Variants in CHIC2 observed in about 807,000 individuals in gnomAD.
The protein encoded by CHIC2 is cysteine-rich hydrophobic domain-containing protein 2.
CHIC2 carries 14 observed loss-of-function variants against 25.9 expected under a neutral mutation model. The observed-to-expected ratio is 0.54, with a 90% CI of 0.36 to 0.85. CHIC2 has a LOEUF of 0.85. Ranked by LOEUF, CHIC2 falls within the 40% of genes least tolerant of loss-of-function variation. CHIC2 has a pLI of 0.01. For missense variants in CHIC2, 146 were observed against 202.0 expected (o/e 0.72, Z 1.68); for synonymous variants, 70 against 72.0 (o/e 0.97, Z 0.14).
At chr4:54,059,564 TG>T (rs1255981516) in intron 1 of CHIC2, 1 of 147,568 alleles carries the variant, frequency 6.8e-6, no homozygotes. Context: ...CAAAAATCTC[TG>T]GAGAAAAAAA....
intron 3 of CHIC2, among the ~76,000 whole-genome samples, chr4:54,040,467 G>T (rs751732382): frequency 3.9e-5 from 6 of 151,940 alleles, no homozygotes; most frequent in Non-Finnish European, 8.8e-5. Context: ...TTGGGAGGCC[G>T]AAGCGGGCAG....
chr4:54,060,637 T>C (rs1486255365), intron 1 of CHIC2: 1 of 152,164 alleles, frequency 6.6e-6, no homozygotes, highest in Non-Finnish European at 1.5e-5. Flanking sequence ...ACACATCCTT[T>C]AGAGTTACCA....
At chr4:54,029,661 A>G (rs1716163995) in intron 3 of CHIC2, among the ~76,000 whole-genome samples, 1 of 152,146 alleles carries the variant, frequency 6.6e-6, no homozygotes, top group South Asian at 2.1e-4. Context: ...ATTTTTCTTT[A>G]TCTGATTCTT....
intron 3 of CHIC2, among the ~76,000 whole-genome samples, chr4:54,028,365 T>C (rs1182435232): frequency 6.6e-6 from 1 of 152,190 alleles, no homozygotes; most frequent in Non-Finnish European, 1.5e-5. Flanking sequence ...GCATGAAATT[T>C]TGAGCTGTAA....
intron 1 of CHIC2, among the ~76,000 whole-genome samples, chr4:54,055,163 G>A (rs1049104824): frequency 2.6e-5 from 4 of 152,074 alleles, no homozygotes; most frequent in African/African-American, 9.7e-5. Flanking sequence ...TAATTTAGAT[G>A]GATTCTTGCT....
chr4:54,086,667 T>G, the CHIC2 span, among the ~76,000 whole-genome samples: 1 of 152,138 alleles, frequency 6.6e-6, no homozygotes, highest in African/African-American at 2.4e-5. Context: ...CTTTGATATT[T>G]TAAAAAGAGT....
chr4:54,035,834 T>G (rs935557013), intron 3 of CHIC2, among the ~76,000 whole-genome samples: 3 of 152,144 alleles, frequency 2.0e-5, no homozygotes, highest in Non-Finnish European at 4.4e-5. Context: ...AGACTTTCAG[T>G]GGTATAAATT....
chr4:54,024,327 C>T (rs1715994032), intron 3 of CHIC2, among the ~76,000 whole-genome samples: 1 of 152,176 alleles, frequency 6.6e-6, no homozygotes. Context: ...TCTTGCCTCC[C>T]TCTTGGAGTG....
the CHIC2 span, among the ~76,000 whole-genome samples, chr4:54,085,811 C>A: frequency 6.6e-6 from 1 of 152,076 alleles, no homozygotes; most frequent in Non-Finnish European, 1.5e-5. Flanking sequence ...TAGTTTTCCT[C>A]ATTTAGCCAG....
the CHIC2 span, among the ~76,000 whole-genome samples, chr4:54,079,561 A>G: frequency 6.6e-6 from 1 of 152,134 alleles, no homozygotes; most frequent in African/African-American, 2.4e-5. Flanking sequence ...AAGTCATACA[A>G]CTCAATAGTG....
At chr4:54,079,406 T>C in the CHIC2 span, among the ~76,000 whole-genome samples, 3 of 151,490 alleles carry the variant, frequency 2.0e-5, no homozygotes, top group South Asian at 2.1e-4. Flanking sequence ...GAAACAAAAA[T>C]AAAGAAGTAG....
At chr4:54,072,397 G>A in the CHIC2 span, among the ~76,000 whole-genome samples, 5 of 151,790 alleles carry the variant, frequency 3.3e-5, no homozygotes, top group Admixed American at 6.6e-5. Context: ...TTAAGTTCAC[G>A]ACAATCTGGA....
chr4:54,077,025 C>A, the CHIC2 span, among the ~76,000 whole-genome samples: 2 of 152,060 alleles, frequency 1.3e-5, no homozygotes, highest in Non-Finnish European at 2.9e-5. Context: ...CAATTGTCAT[C>A]CTTGTTATCA....
chr4:54,064,565 A>ACG lies in CHIC2; in HGVS notation c.-267_-266dup, dbSNP rs1717453787. The ACG allele has an allele frequency of 7.1e-6, 9 of 1,276,130 alleles. No homozygotes were observed. The highest frequency in any genetic ancestry group is 8.9e-6 in the Non-Finnish European group (9 of 1,011,710). The allele number at this position is 1,276,130 out of a possible 1,614,324, so 79.1% of individuals were successfully genotyped here. On this transcript the variant is annotated 5_prime_UTR_variant, in exon 1 of 6. Coordinates refer to ENST00000263921, the MANE Select transcript of CHIC2 (RefSeq NM_012110.4). The surrounding 1 kb of genome is among the most constrained non-coding windows in gnomAD (Gnocchi z 4.2). ...GAGGCCGACACCTCCACAAGCACAGACGCCGCTGCCGCCGCCGCAGCAGCA... is the reference window on the plus strand; with the variant it reads ...GAGGCCGACACCTCCACAAGCACAGACGCGCCGCTGCCGCCGCCGCAGCAGCA...
chr4:54,078,738 C>T, the CHIC2 span, among the ~76,000 whole-genome samples: 5 of 151,840 alleles, frequency 3.3e-5, no homozygotes, highest in Non-Finnish European at 7.4e-5. Context: ...TGGTCTCAAA[C>T]TCCTGACCTC....
chr4:54,014,252 T>C, intron 3 of CHIC2, 133 bp from the exon 4 acceptor site: 1 of 666,264 alleles, frequency 1.5e-6, no homozygotes. Context: ...TCACTATCGA[T>C]GTTCTAAGCA....
chr4:54,015,675 C>T (rs191090665), intron 3 of CHIC2, among the ~76,000 whole-genome samples: 3 of 152,184 alleles, frequency 2.0e-5, no homozygotes, highest in East Asian at 1.9e-4. Context: ...TTCAGCCCTC[C>T]GTAAATCTGT....
the CHIC2 span, among the ~76,000 whole-genome samples, chr4:54,086,313 T>C: frequency 2.6e-5 from 4 of 152,024 alleles, no homozygotes; most frequent in Non-Finnish European, 4.4e-5. Context: ...CAGATGATGA[T>C]AGTAATAAGA....
chr4:54,048,195 C>T (rs1042660000), intron 3 of CHIC2, among the ~76,000 whole-genome samples: 7 of 152,134 alleles, frequency 4.6e-5, no homozygotes, highest in Middle Eastern at 3.4e-3. Flanking sequence ...TTACCATGTA[C>T]GCCAGACTGG....
Sources: gnomAD v4.1 joint callset for allele counts (sites outside exome capture counted in the v4.1 genomes callset) on GRCh38, gnomAD v4.1.1 for gene constraint, Gnocchi (gnomAD v3.1) non-coding constraint, MANE v1.5 for transcripts, NCBI Gene and HGNC (gene_info 2026-07-23, HGNC 2026-07-21) for gene names.